Variants in CEP120 observed in about 807,000 individuals in gnomAD.
The protein encoded by CEP120 is centrosomal protein of 120 kDa.
A neutral mutation model predicts 126.5 loss-of-function variants in CEP120; 113 were observed. That is an observed-to-expected ratio of 0.89 (90% CI 0.77 to 1.04). The LOEUF (loss-of-function observed/expected upper bound fraction) is 1.04, where lower values mean the gene tolerates loss of function less well. CEP120 is among the 50% of genes least tolerant of loss of function. CEP120 has a pLI of 0.00. For synonymous variants in CEP120, 400 were observed against 394.3 expected, an observed-to-expected ratio of 1.01 and a Z score of -0.17; for missense variants, 1,230 against 1,155.7, an observed-to-expected ratio of 1.06 and a Z score of -0.93.
chr5:123,390,269 C>A (rs1246078021), intron 7 of CEP120, 129 bp from the exon 8 acceptor site: 7 of 793,806 alleles, frequency 8.8e-6, no homozygotes, highest in Non-Finnish European at 1.3e-5. Context: ...GTCTATTTTT[C>A]TTCGTAATTT....
intron 8 of CEP120, 105 bp downstream of exon 8, chr5:123,389,819 C>A: frequency 1.9e-6 from 2 of 1,037,618 alleles, no homozygotes; most frequent in Non-Finnish European, 2.8e-6. Context: ...CTTAACAAAC[C>A]CACAATTTTT....
chr5:123,386,844 C>CGTG (rs1250680578), intron 9 of CEP120, among the ~76,000 whole-genome samples, 177 bp from the exon 10 acceptor site: 1 of 152,118 alleles, frequency 6.6e-6, no homozygotes, highest in Non-Finnish European at 1.5e-5. Context: ...CTTGACGGCA[C>CGTG]ATGTCCTACC....
chr5:123,416,546 G>A lies in CEP120; in HGVS notation c.207-422C>T, dbSNP rs552357983. On this transcript the variant is annotated intron_variant, in intron 2 of 19. Coordinates refer to ENST00000306467, the MANE Select transcript of CEP120 (RefSeq NM_001375405.1). Reference sequence around the variant, plus strand: ...AGATCGCGCCACTACACTCCAGCCTGGGTGACAGATCAAGACTCCATCTCA... The same window carrying A: ...AGATCGCGCCACTACACTCCAGCCTAGGTGACAGATCAAGACTCCATCTCA... Among the ~76,000 whole-genome samples, 399 of 152,088 alleles carry A rather than the reference G, an allele frequency of 2.6e-3. 3 individuals carry two copies. The highest frequency in any genetic ancestry group is 9.3e-3 in the African/African-American group (385 of 41,476).
intron 19 of CEP120, among the ~76,000 whole-genome samples, chr5:123,347,729 T>A (rs1280461401): frequency 2.6e-5 from 4 of 152,132 alleles, no homozygotes; most frequent in Non-Finnish European, 5.9e-5. Context: ...CACTGCAGCC[T>A]CGACCTCCTG....
chr5:123,372,797 T>C, intron 16 of CEP120, 25 bp from the exon 17 acceptor site: 2 of 1,553,662 alleles, frequency 1.3e-6, no homozygotes, highest in Non-Finnish European at 1.7e-6. Context: ...GTTTAGCCAT[T>C]TCAAAACAAT....
At chr5:123,356,880 T>A (rs1769675272) in intron 18 of CEP120, among the ~76,000 whole-genome samples, 1 of 152,116 alleles carries the variant, frequency 6.6e-6, no homozygotes, top group Non-Finnish European at 1.5e-5. Context: ...AGCCTGATAT[T>A]TAATTTCCAT....
Position 123,393,487 on chromosome 5 carries a change from C to T in CEP120, c.623G>A (p.Cys208Tyr), listed in dbSNP as rs370960719. 1.2e-6 allele frequency: 2 copies of T among 1,613,138 alleles called. No individual in the cohort carries two copies. Among genetic ancestry groups the T allele is most frequent in the Non-Finnish European group, 1.7e-6 (2 of 1,179,362 alleles). Residue 208 changes from cysteine to tyrosine, a missense_variant, in exon 6 of 20, where the codon TGT becomes TAT. Cys to Tyr is a radical substitution (Grantham distance 194). Transcript: ENST00000306467. ...FATQLEQLIP[C>Y]TMKLPERQPE... ...CTGTCTTTCTGGAAGTTTCATGGTACATGGAATTAACTAAACATTTCAGGA... is the reference window on the plus strand; with the variant it reads ...CTGTCTTTCTGGAAGTTTCATGGTATATGGAATTAACTAAACATTTCAGGA...
At chr5:123,411,867 TATG>T (rs933908001) in intron 4 of CEP120, among the ~76,000 whole-genome samples, 12 of 152,220 alleles carry the variant, frequency 7.9e-5, no homozygotes, top group African/African-American at 2.4e-4. Context: ...ATATGAATGA[TATG>T]ATATGTTCAT....
intron 1 of CEP120, among the ~76,000 whole-genome samples, chr5:123,419,595 A>C (rs557352813): frequency 6.6e-6 from 1 of 152,260 alleles, no homozygotes; most frequent in African/African-American, 2.4e-5. Flanking sequence ...AGCTAAAGAA[A>C]AATAGCCACA....
chr5:123,388,591 G>C lies in CEP120; in HGVS notation c.1271C>G (p.Pro424Arg). ...KPNPKASSSV[P>R]ASLAQLVTTS... ...AGTCACTAGCTGGGCCAGTGAAGCA[G>C]GTACAGAAGAACTGGCTGAAATGAA... The change falls in exon 9 of 20, where the codon CCT (proline) becomes CGT (arginine). Residue 424 changes from proline to arginine, a missense_variant. Transcript: ENST00000306467. The C allele has an allele frequency of 1.3e-6, 2 of 1,572,680 alleles. No homozygotes were observed. The highest frequency in any genetic ancestry group is 1.7e-6 in the Non-Finnish European group (2 of 1,164,670).
intron 5 of CEP120, 95 bp from the exon 6 acceptor site, chr5:123,393,592 G>GT (rs967765642): frequency 7.6e-6 from 8 of 1,057,460 alleles, no homozygotes; most frequent in South Asian, 4.8e-5. Flanking sequence ...TTGCTAAAAT[G>GT]TTTTTTTATT....
At chr5:123,362,364 A>G (rs988902007) in intron 18 of CEP120, among the ~76,000 whole-genome samples, 2 of 151,776 alleles carry the variant, frequency 1.3e-5, no homozygotes, top group African/African-American at 4.8e-5. Context: ...GACTAAGACC[A>G]TATCATAAAA....
chr5:123,413,096 G>A (rs757857788), intron 3 of CEP120, among the ~76,000 whole-genome samples: 5 of 151,532 alleles, frequency 3.3e-5, no homozygotes, highest in African/African-American at 9.7e-5. Context: ...GTGAAACCCC[G>A]TCTGTCTCTA....
chr5:123,369,019 G>A (rs1020502423), intron 17 of CEP120, among the ~76,000 whole-genome samples: 1 of 151,510 alleles, frequency 6.6e-6, no homozygotes, highest in Non-Finnish European at 1.5e-5. Context: ...AGTCAAAAAA[G>A]TTTGAGAACT....
chr5:123,393,338 T>C lies in CEP120; in HGVS notation c.772A>G (p.Ile258Val), dbSNP rs1580704118. The C allele has an allele frequency of 3.7e-6, 6 of 1,614,160 alleles. No homozygotes were observed. Among genetic ancestry groups the C allele is most frequent in the Non-Finnish European group, 4.2e-6 (5 of 1,180,006 alleles). The stretch of plus-strand genomic sequence containing the variant: ...TGAAGAGCCAGGTAAACACGAAGAA[T>C]TTCTACACTGCTACGGATGCGAACT... ...ASVRIRSSVE[I>V]LRVYLALQSK... The change falls in exon 6 of 20, where the codon ATT becomes GTT. Residue 258 changes from isoleucine (I) to valine (V), a missense_variant. Transcript: ENST00000306467.
intron 5 of CEP120, 138 bp downstream of exon 5, chr5:123,398,995 AAAG>A: frequency 1.8e-6 from 1 of 557,516 alleles, no homozygotes; most frequent in Non-Finnish European, 3.0e-6. Flanking sequence ...TTCCAGTATG[AAAG>A]AAAACATGTT....
At chr5:123,420,603 C>T (rs1419928658) in intron 1 of CEP120, among the ~76,000 whole-genome samples, 1 of 152,118 alleles carries the variant, frequency 6.6e-6, no homozygotes, top group Admixed American at 6.5e-5. Context: ...CAGACATTAT[C>T]CTTTAGGACA....
chr5:123,377,524 T>A lies in CEP120; in HGVS notation c.2208A>T (p.Glu736Asp). Residue 736 changes from glutamate (E) to aspartate (D), a missense_variant, in exon 16 of 20, where the codon GAA becomes GAT. Coordinates refer to ENST00000306467, the MANE Select transcript of CEP120 (RefSeq NM_001375405.1). Reference protein sequence around the residue: ...LASVESELQREKKELQSERQR... With the variant: ...LASVESELQRDKKELQSERQR... ...GACGTTCTGATTGCAGTTCCTTTTT[T>A]TCTCTTTGAAGCTTAAAACAAAGGC... The A allele has an allele frequency of 6.3e-7, 1 of 1,583,762 alleles. No homozygotes were observed. Among genetic ancestry groups the A allele is most frequent in the East Asian group, 2.3e-5 (1 of 44,354 alleles).
intron 11 of CEP120, among the ~76,000 whole-genome samples, chr5:123,384,546 G>A (rs1267400533): frequency 6.6e-6 from 1 of 152,046 alleles, no homozygotes; most frequent in Non-Finnish European, 1.5e-5. Context: ...TGGGGTAGGA[G>A]TAAAATATTT....
Sources: gnomAD v4.1 joint callset for allele counts (sites outside exome capture counted in the v4.1 genomes callset) on GRCh38, gnomAD v4.1.1 for gene constraint, MANE v1.5 for transcripts, NCBI Gene and HGNC (gene_info 2026-07-23, HGNC 2026-07-21) for gene names.